Variants in EIF3E observed in about 807,000 individuals in gnomAD.
EIF3E encodes eukaryotic translation initiation factor 3 subunit E.
EIF3E carries 25 observed loss-of-function variants against 59.3 expected under a neutral mutation model. The observed-to-expected ratio is 0.42, with a 90% confidence interval of 0.31 to 0.59. The LOEUF (loss-of-function observed/expected upper bound fraction) is 0.59. Ranked by LOEUF, EIF3E falls within the 20% of genes least tolerant of loss-of-function variation. The probability of loss-of-function intolerance (pLI) is 0.15; values close to 1 mark genes in which losing one functional copy is unlikely to be tolerated. For synonymous variants in EIF3E, 176 were observed against 170.2 expected, an observed-to-expected ratio of 1.03 and a Z score of -0.26; for missense variants, 317 against 534.3, an observed-to-expected ratio of 0.59 and a Z score of 4.01.
intron 5 of EIF3E, chr8:108,231,781 G>C (rs998682272): frequency 1.3e-5 from 2 of 151,676 alleles, no homozygotes; most frequent in African/African-American, 4.8e-5. Flanking sequence ...ATAAATCAAA[G>C]AAGTTTCACA....
At chr8:108,228,064 A>C in intron 7 of EIF3E, 1 of 426,850 alleles carries the variant, frequency 2.3e-6, no homozygotes, top group Admixed American at 4.3e-5. Context: ...ATAGCACTTT[A>C]AAAGGCTTAG....
At chr8:108,212,480 T>C (rs1245819657) in intron 10 of EIF3E, among the ~76,000 whole-genome samples, 1 of 152,206 alleles carries the variant, frequency 6.6e-6, no homozygotes, top group Non-Finnish European at 1.5e-5. Flanking sequence ...CCCTAAGATT[T>C]CTTTCAGATT....
chr8:108,233,755 C>T lies in EIF3E; in HGVS notation c.471+1243G>A, dbSNP rs1031728734. ...AGCTATTCAGGAGGCAAGAGAATCTCTTGAGCGCAAGAGTTCAAGGCTGCA... is the reference window on the plus strand; with the variant it reads ...AGCTATTCAGGAGGCAAGAGAATCTTTTGAGCGCAAGAGTTCAAGGCTGCA... On this transcript the variant is annotated intron_variant, in intron 5 of 12. Transcript: ENST00000220849. 8.6e-5 allele frequency: 22 copies of T among 255,412 alleles called. 1 individual carries two copies. The highest frequency in any genetic ancestry group is 7.2e-4 in the South Asian group (22 of 30,388). 15.8% of individuals were successfully genotyped at this position (255,412 alleles called of 1,614,324 possible).
At chr8:108,239,876 G>C in intron 3 of EIF3E, 82 bp downstream of exon 3, 1 of 1,099,722 alleles carries the variant, frequency 9.1e-7, no homozygotes, top group East Asian at 2.4e-5. Context: ...TTTTACTATG[G>C]GATACTGGAT....
chr8:108,213,655 G>A (rs911143522), intron 10 of EIF3E, among the ~76,000 whole-genome samples: 1 of 152,118 alleles, frequency 6.6e-6, no homozygotes, highest in Non-Finnish European at 1.5e-5. Context: ...CACATATGAT[G>A]TACCTACCTC....
At chr8:108,223,666 A>G (rs1815462853) in intron 7 of EIF3E, among the ~76,000 whole-genome samples, 1 of 152,194 alleles carries the variant, frequency 6.6e-6, no homozygotes. Flanking sequence ...CAGCATCTAC[A>G]TTTAGTGGCA....
At chr8:108,245,288 A>G (rs1214266817) in intron 1 of EIF3E, among the ~76,000 whole-genome samples, 1 of 152,128 alleles carries the variant, frequency 6.6e-6, no homozygotes, top group Non-Finnish European at 1.5e-5. Context: ...TAACATGGTG[A>G]AACCCCATCT....
intron 10 of EIF3E, among the ~76,000 whole-genome samples, chr8:108,212,981 T>C (rs1251173921): frequency 6.6e-6 from 1 of 152,168 alleles, no homozygotes; most frequent in Non-Finnish European, 1.5e-5. Flanking sequence ...AAATGCTTTG[T>C]AGATTTTTGT....
At chr8:108,216,612 A>G in intron 8 of EIF3E, 99 bp from the exon 9 acceptor site, 2 of 827,528 alleles carry the variant, frequency 2.4e-6, no homozygotes, top group South Asian at 3.3e-5. Context: ...CTTCTTTACC[A>G]TTAATTTCTA....
At chr8:108,233,610 G>A (rs1041349450) in intron 5 of EIF3E, 12 of 367,574 alleles carry the variant, frequency 3.3e-5, no homozygotes, top group African/African-American at 2.2e-4. Flanking sequence ...GAAAGGCTGA[G>A]GAGGGAGGAT....
rs1401506137 is a variant in EIF3E at position 108,208,015 on chromosome 8, A to AT, written c.1062-4513dup. On this transcript the variant is annotated intron_variant, in intron 10 of 12. Transcript: ENST00000220849. ...GATCCCACTTAAGGACAGAAGATAT[A>AT]TAAGTCTTAATTTAGGGAACTGATA... Among the ~76,000 whole-genome samples the AT allele has an allele frequency of 1.4e-4, 22 of 152,282 alleles. No homozygotes were observed. The East Asian group carries it at 4.0e-3, about 28-fold the overall frequency.
At chr8:108,245,669 CA>C (rs1220100723) in intron 1 of EIF3E, among the ~76,000 whole-genome samples, 1 of 152,186 alleles carries the variant, frequency 6.6e-6, no homozygotes, top group Non-Finnish European at 1.5e-5. Flanking sequence ...AGGTCCAATT[CA>C]GAGCCCAGGG....
intron 3 of EIF3E, among the ~76,000 whole-genome samples, chr8:108,238,970 G>A (rs1269164966): frequency 6.6e-6 from 1 of 152,106 alleles, no homozygotes; most frequent in Non-Finnish European, 1.5e-5. Context: ...AAGGCAATAT[G>A]TTTTCTTTGG....
chr8:108,248,345 T>A (rs1415795659), intron 1 of EIF3E, among the ~76,000 whole-genome samples: 1 of 152,034 alleles, frequency 6.6e-6, no homozygotes, highest in Non-Finnish European at 1.5e-5. Flanking sequence ...GAAGAAATGA[T>A]GCGAAAATCC....
chr8:108,202,897 A>C, intron 12 of EIF3E, 86 bp downstream of exon 12: 1 of 1,402,040 alleles, frequency 7.1e-7, no homozygotes, highest in South Asian at 1.8e-5. Context: ...AAAATCAGCT[A>C]CAACTCATCA....
At chr8:108,228,534 C>T (rs781330352) in intron 6 of EIF3E, 143 bp from the exon 7 acceptor site, 3 of 522,346 alleles carry the variant, frequency 5.7e-6, no homozygotes, top group African/African-American at 2.0e-5. Flanking sequence ...CAATGTCCGA[C>T]CCCCTATGCC....
At chr8:108,241,035 A>G (rs1000382982) in intron 2 of EIF3E, among the ~76,000 whole-genome samples, 6 of 152,164 alleles carry the variant, frequency 3.9e-5, no homozygotes, top group African/African-American at 1.4e-4. Flanking sequence ...TCCATGACAA[A>G]CTAAAAAAGA....
At chr8:108,208,497 T>A (rs189393446) in intron 10 of EIF3E, among the ~76,000 whole-genome samples, 12 of 152,130 alleles carry the variant, frequency 7.9e-5, no homozygotes, top group African/African-American at 2.9e-4. Flanking sequence ...TAAATCCTTA[T>A]GTGAAAACTG....
intron 7 of EIF3E, among the ~76,000 whole-genome samples, chr8:108,220,450 C>T (rs866835087): frequency 6.6e-6 from 1 of 152,200 alleles, no homozygotes; most frequent in Non-Finnish European, 1.5e-5. Context: ...ATGAAGGTCT[C>T]CCTTTGTGTT....
Sources: allele counts gnomAD v4.1 joint callset (sites outside exome capture counted in the v4.1 genomes callset), GRCh38; gene constraint gnomAD v4.1.1; transcripts MANE v1.5; gene names NCBI Gene and HGNC (gene_info 2026-07-23, HGNC 2026-07-21).